Variants in MC2R observed in about 807,000 individuals in gnomAD.
The protein encoded by MC2R is adrenocorticotropic hormone receptor.
A neutral mutation model predicts 9.8 loss-of-function variants in MC2R; 9 were observed. The observed-to-expected ratio is 0.92, with a 90% confidence interval of 0.55 to 1.60. MC2R has a LOEUF of 1.60. Among genes scored for constraint, MC2R ranks in the 40% most tolerant of loss-of-function variants. The probability of loss-of-function intolerance (pLI) is 0.00; values close to 1 mark genes in which losing one functional copy is unlikely to be tolerated. For synonymous variants in MC2R, 185 were observed against 154.7 expected (o/e 1.20, Z -1.45); for missense variants, 370 against 389.0 (o/e 0.95, Z 0.41).
intron 1 of MC2R, among the ~76,000 whole-genome samples, chr18:13,889,171 T>C (rs2045297969): frequency 6.6e-6 from 1 of 152,142 alleles, no homozygotes; most frequent in South Asian, 2.1e-4. Flanking sequence ...ATATGAACCA[T>C]CCCACCTGGC....
chr18:13,903,232 A>G (rs994598134), intron 1 of MC2R, among the ~76,000 whole-genome samples: 1 of 152,204 alleles, frequency 6.6e-6, no homozygotes, highest in Non-Finnish European at 1.5e-5. Flanking sequence ...GAACCCTCAT[A>G]CACTGTTGGT....
chr18:13,904,655 A>AATAGGT (rs879514999), intron 1 of MC2R, among the ~76,000 whole-genome samples: 2 of 150,144 alleles, frequency 1.3e-5, no homozygotes, highest in Non-Finnish European at 3.0e-5. Context: ...CAGTAACCAA[A>AATAGGT]ACAGTAACCA....
intron 1 of MC2R, among the ~76,000 whole-genome samples, chr18:13,898,371 G>A (rs1473476270): frequency 1.3e-5 from 2 of 152,198 alleles, no homozygotes; most frequent in Non-Finnish European, 2.9e-5. Flanking sequence ...AGAACACTAG[G>A]TAGACTTCTA....
chr18:13,896,836 C>T (rs917763313), intron 1 of MC2R, among the ~76,000 whole-genome samples: 2 of 152,072 alleles, frequency 1.3e-5, no homozygotes, highest in African/African-American at 4.8e-5. Context: ...AAACTAAAAA[C>T]AACATAATAA....
intron 1 of MC2R, among the ~76,000 whole-genome samples, chr18:13,906,578 AAAG>A (rs1392601796): frequency 2.8e-4 from 43 of 152,364 alleles, no homozygotes; most frequent in African/African-American, 9.4e-4. Context: ...AAAAAAAAGA[AAAG>A]AAGAAGTCAA....
At chr18:13,903,757 T>C (rs1200800334) in intron 1 of MC2R, among the ~76,000 whole-genome samples, 3 of 152,150 alleles carry the variant, frequency 2.0e-5, no homozygotes, top group African/African-American at 7.2e-5. Context: ...TAATTAATAA[T>C]ATCTACTATT....
intron 1 of MC2R, among the ~76,000 whole-genome samples, chr18:13,904,204 C>T (rs1396954407): frequency 7.2e-6 from 1 of 139,294 alleles, no homozygotes; most frequent in Non-Finnish European, 1.6e-5. Flanking sequence ...GAAATCCCTT[C>T]TCTACTAAAA....
chr18:13,888,724 A>G (rs1003172461), intron 1 of MC2R, among the ~76,000 whole-genome samples: 1 of 152,166 alleles, frequency 6.6e-6, no homozygotes, highest in Non-Finnish European at 1.5e-5. Flanking sequence ...CTGCATTGCT[A>G]TGCTCCTGTT....
intron 1 of MC2R, among the ~76,000 whole-genome samples, chr18:13,896,649 C>A (rs1408445210): frequency 6.6e-6 from 1 of 152,136 alleles, no homozygotes; most frequent in Non-Finnish European, 1.5e-5. Context: ...TTACTTTAGA[C>A]CTTGTAGCTA....
At chr18:13,894,441 G>A (rs766983493) in intron 1 of MC2R, among the ~76,000 whole-genome samples, 4 of 152,150 alleles carry the variant, frequency 2.6e-5, no homozygotes, top group Non-Finnish European at 5.9e-5. Flanking sequence ...AACTATGGTT[G>A]TCTTCACGTA....
chr18:13,908,818 A>G (rs1419297590), intron 1 of MC2R, among the ~76,000 whole-genome samples: 1 of 151,726 alleles, frequency 6.6e-6, no homozygotes, highest in African/African-American at 2.4e-5. Flanking sequence ...TAGAGCTATG[A>G]GCTATTTTTT....
At chr18:13,904,227 A>C (rs2045397846) in intron 1 of MC2R, among the ~76,000 whole-genome samples, 3 of 151,082 alleles carry the variant, frequency 2.0e-5, no homozygotes, top group Admixed American at 2.0e-4. Context: ...ACAAAAAAAA[A>C]AAACTTAGGC....
chr18:13,884,665 TC>T lies in MC2R; in HGVS notation c.853del (p.Asp285ThrfsTer6). 6.2e-7 allele frequency: 1 copy of T among 1,613,870 alleles called. No individual in the cohort carries two copies. The highest frequency in any genetic ancestry group is 8.5e-7 in the Non-Finnish European group (1 of 1,180,038). ...GCAGAAGATCATCTTTTTGAATGCG[TC>T]CCTGAGCTCTGGGCTCCGGAAGGCA... Reference protein sequence around the residue: ...IYAFRSPELRDAFKKMIFCSR... With the variant: ...IYAFRSPELRXAFKKMIFCSR... On this transcript the variant is annotated frameshift_variant, in exon 2 of 2. Transcript: ENST00000327606. LOFTEE classifies it high-confidence loss of function.
chr18:13,897,158 C>A (rs531799113), intron 1 of MC2R, among the ~76,000 whole-genome samples: 2 of 152,318 alleles, frequency 1.3e-5, no homozygotes, highest in African/African-American at 4.8e-5. Context: ...ACCACCCCCC[C>A]AAACCCCCCA....
At position 13,891,495 on chromosome 18, in the gene MC2R, G is replaced by T. The variant is rs35909934; in HGVS notation, c.-128-5849C>A. ...TGCATGGGTGGTTGTGATAGATGTTGTCAGGCTGCCTTCCATAGGGGCTAT... is the reference window on the plus strand; with the variant it reads ...TGCATGGGTGGTTGTGATAGATGTTTTCAGGCTGCCTTCCATAGGGGCTAT... On this transcript the variant is annotated intron_variant, in intron 1 of 1. Transcript: ENST00000327606. Among the ~76,000 whole-genome samples the T allele has an allele frequency of 1.3e-4, 20 of 152,332 alleles. No individual in the cohort carries two copies. The East Asian group carries it at 3.3e-3, about 25-fold the overall frequency.
At chr18:13,903,110 A>C (rs2045390533) in intron 1 of MC2R, among the ~76,000 whole-genome samples, 1 of 152,248 alleles carries the variant, frequency 6.6e-6, no homozygotes, top group Admixed American at 6.5e-5. Context: ...ATCATTGATC[A>C]TTAGAGTAAT....
At chr18:13,914,826 G>T (rs956598695) in intron 1 of MC2R, among the ~76,000 whole-genome samples, 1 of 152,206 alleles carries the variant, frequency 6.6e-6, no homozygotes, top group Non-Finnish European at 1.5e-5. Flanking sequence ...CCTCATGATG[G>T]CAGTGACTGC....
chr18:13,884,671 A>AG lies in MC2R; in HGVS notation c.847dup (p.Leu283ProfsTer67), dbSNP rs1253935840. On this transcript the variant is annotated frameshift_variant, in exon 2 of 2. Coordinates refer to ENST00000327606, the MANE Select transcript of MC2R (RefSeq NM_000529.2). LOFTEE classifies it high-confidence loss of function. The stretch of plus-strand genomic sequence containing the variant: ...GATCATCTTTTTGAATGCGTCCCTG[A>AG]GCTCTGGGCTCCGGAAGGCATATAT... 7 of 1,614,006 alleles carry AG rather than the reference A, an allele frequency of 4.3e-6. No individual in the cohort carries two copies. Among genetic ancestry groups the AG allele is most frequent in the Non-Finnish European group, 5.9e-6 (7 of 1,180,040 alleles).
intron 1 of MC2R, among the ~76,000 whole-genome samples, chr18:13,897,744 T>C (rs2045354928): frequency 6.6e-6 from 1 of 152,054 alleles, no homozygotes; most frequent in Non-Finnish European, 1.5e-5. Context: ...CCCTAAATCC[T>C]GGACAACATT....
Sources: allele counts gnomAD v4.1 joint callset (sites outside exome capture counted in the v4.1 genomes callset), GRCh38; gene constraint gnomAD v4.1.1; transcripts MANE v1.5; gene names NCBI Gene and HGNC (gene_info 2026-07-23, HGNC 2026-07-21).